The following FCHSD2 variants were observed in gnomAD, a reference collection of about 807,000 sequenced individuals.
The protein encoded by FCHSD2 is F-BAR and double SH3 domains protein 2.
In FCHSD2, 38 loss-of-function variants were observed where a neutral mutation model predicts 108.1. That is an observed-to-expected ratio of 0.35 (90% CI 0.27 to 0.46). The LOEUF (loss-of-function observed/expected upper bound fraction) is 0.46, where lower values mean the gene tolerates loss of function less well. Ranked by LOEUF, FCHSD2 falls within the 20% of genes least tolerant of loss-of-function variation. The pLI is 1.00. For missense variants in FCHSD2, 751 were observed against 897.8 expected (o/e 0.84, Z 2.09); for synonymous variants, 279 against 314.7 (o/e 0.89, Z 1.20).
At chr11:73,027,952 G>A (rs904609542) in intron 3 of FCHSD2, among the ~76,000 whole-genome samples, 1 of 152,270 alleles carries the variant, frequency 6.6e-6, no homozygotes, top group African/African-American at 2.4e-5. Flanking sequence ...ACTGATGTTT[G>A]GAAACCTCTG....
chr11:73,102,044 A>G (rs1860237910), intron 2 of FCHSD2, among the ~76,000 whole-genome samples: 1 of 152,236 alleles, frequency 6.6e-6, no homozygotes, highest in Non-Finnish European at 1.5e-5. Context: ...CATCAGGCTG[A>G]AGACCATATT....
At chr11:73,118,109 G>A (rs1281581625) in intron 2 of FCHSD2, among the ~76,000 whole-genome samples, 1 of 152,240 alleles carries the variant, frequency 6.6e-6, no homozygotes, top group East Asian at 1.9e-4. Flanking sequence ...TGGAGGTCAC[G>A]CATTCCCGAG....
chr11:73,001,659 T>A (rs914100339), intron 4 of FCHSD2, among the ~76,000 whole-genome samples: 2 of 152,220 alleles, frequency 1.3e-5, no homozygotes, highest in African/African-American at 4.8e-5. Context: ...TTATATAAAC[T>A]GACGCGGCTG....
intron 5 of FCHSD2, among the ~76,000 whole-genome samples, chr11:72,993,134 T>A (rs1857450846): frequency 1.3e-5 from 2 of 152,172 alleles, no homozygotes; most frequent in African/African-American, 2.4e-5. Context: ...AAGACATTTA[T>A]GCAGCCAACA....
intron 5 of FCHSD2, among the ~76,000 whole-genome samples, chr11:72,996,550 A>G (rs535767304): frequency 1.3e-5 from 2 of 152,192 alleles, no homozygotes; most frequent in African/African-American, 4.8e-5. Context: ...GAAAAATGTA[A>G]TAATTCTCAT....
intron 12 of FCHSD2, among the ~76,000 whole-genome samples, chr11:72,885,253 T>G (rs1423616916): frequency 6.6e-6 from 1 of 152,136 alleles, no homozygotes; most frequent in Non-Finnish European, 1.5e-5. Context: ...TATTTTATGC[T>G]AACAGTAAAA....
intron 3 of FCHSD2, among the ~76,000 whole-genome samples, chr11:73,046,688 T>C (rs929695711): frequency 4.6e-5 from 7 of 152,208 alleles, no homozygotes; most frequent in African/African-American, 1.7e-4. Context: ...ACTGCTAAAA[T>C]AAAAGCACAA....
At chr11:72,886,107 C>T (rs1390107317) in intron 12 of FCHSD2, among the ~76,000 whole-genome samples, 1 of 152,118 alleles carries the variant, frequency 6.6e-6, no homozygotes, top group African/African-American at 2.4e-5. Flanking sequence ...GTTAGAAAAC[C>T]ATTAGTTTAG....
At chr11:73,120,248 G>A (rs942288675) in intron 2 of FCHSD2, among the ~76,000 whole-genome samples, 1 of 152,190 alleles carries the variant, frequency 6.6e-6, no homozygotes. Context: ...TTACATCCTT[G>A]TATATTTATT....
At chr11:72,977,057 T>G (rs1248478769) in intron 8 of FCHSD2, among the ~76,000 whole-genome samples, 1 of 152,008 alleles carries the variant, frequency 6.6e-6, no homozygotes, top group Non-Finnish European at 1.5e-5. Flanking sequence ...CCTGAGTAGC[T>G]GGGACTACAG....
At chr11:73,035,150 T>TATGTATGTATG (rs1565378205) in intron 3 of FCHSD2, among the ~76,000 whole-genome samples, 7 of 143,828 alleles carry the variant, frequency 4.9e-5, no homozygotes, top group Non-Finnish European at 1.1e-4. Context: ...GTTTTTATTT[T>TATGTATGTATG]TATGTATGTA....
At chr11:72,918,294 TGA>T (rs1855915884) in intron 9 of FCHSD2, among the ~76,000 whole-genome samples, 1 of 152,212 alleles carries the variant, frequency 6.6e-6, no homozygotes, top group Non-Finnish European at 1.5e-5. Flanking sequence ...ATGGGCTCTC[TGA>T]GAGTTTATAA....
chr11:73,009,613 T>A (rs1857817509), intron 4 of FCHSD2, among the ~76,000 whole-genome samples: 1 of 152,170 alleles, frequency 6.6e-6, no homozygotes, highest in Non-Finnish European at 1.5e-5. Context: ...ACCTTTTGCT[T>A]GTCTGGGAAA....
chr11:73,089,610 AATGAAGTACTGATACATGCTACAAT>A (rs1372803924), intron 2 of FCHSD2, among the ~76,000 whole-genome samples: 1 of 152,240 alleles, frequency 6.6e-6, no homozygotes, highest in Non-Finnish European at 1.5e-5. Flanking sequence ...CATAAGAAAG[AATGAAGTACTGATACATGCTACAAT>A]ATGGATGAAC....
In FCHSD2 at chr11:72,838,726, A is replaced by C; in HGVS notation, c.*65T>G. On this transcript the variant is annotated 3_prime_UTR_variant, in exon 20 of 20. Coordinates refer to ENST00000409418, the MANE Select transcript of FCHSD2 (RefSeq NM_014824.3). ...CATCATCATGCAAAGGTGCCTAAAA[A>C]ACAAGACTGGCCAAACTCCAAGCCT... is the stretch of plus-strand genomic sequence containing the variant. 2 of 1,409,114 alleles carry C rather than the reference A, an allele frequency of 1.4e-6. No homozygotes were observed. The highest frequency in any genetic ancestry group is 9.8e-7 in the Non-Finnish European group (1 of 1,018,026). 87.3% of individuals were successfully genotyped at this position (1,409,114 alleles called of 1,614,324 possible).
chr11:72,856,128 C>G (rs1388000638), intron 13 of FCHSD2, among the ~76,000 whole-genome samples: 1 of 152,128 alleles, frequency 6.6e-6, no homozygotes, highest in Non-Finnish European at 1.5e-5. Flanking sequence ...ATTAAAGTAT[C>G]AAATATCTAC....
intron 2 of FCHSD2, among the ~76,000 whole-genome samples, chr11:73,084,547 C>T (rs1327506001): frequency 6.6e-6 from 1 of 152,160 alleles, no homozygotes; most frequent in African/African-American, 2.4e-5. Context: ...CACACCACCA[C>T]ATCTGGTTAA....
chr11:73,128,638 C>T (rs967870913), intron 2 of FCHSD2, among the ~76,000 whole-genome samples: 3 of 152,180 alleles, frequency 2.0e-5, no homozygotes, highest in Non-Finnish European at 4.4e-5. Context: ...TCCTGCTCTC[C>T]TCTTCTTCCA....
At chr11:73,028,368 G>A (rs551921330) in intron 3 of FCHSD2, among the ~76,000 whole-genome samples, 15 of 152,320 alleles carry the variant, frequency 9.8e-5, no homozygotes, top group African/African-American at 3.4e-4. Flanking sequence ...GCCCTGTTAC[G>A]TTTCAGACTT....
Sources: allele counts gnomAD v4.1 joint callset (sites outside exome capture counted in the v4.1 genomes callset), GRCh38; gene constraint gnomAD v4.1.1; transcripts MANE v1.5; gene names NCBI Gene and HGNC (gene_info 2026-07-23, HGNC 2026-07-21).